The following MYO3A variants were observed in gnomAD, a reference collection of about 807,000 sequenced individuals.
MYO3A encodes the protein myosin IIIA.
Under a neutral mutation model 192.7 loss-of-function variants are expected in MYO3A, and 180 were observed. The observed-to-expected ratio is 0.93, with a 90% CI of 0.83 to 1.06. The LOEUF (loss-of-function observed/expected upper bound fraction) is 1.06, where lower values mean the gene tolerates loss of function less well. MYO3A is among the 50% of genes least tolerant of loss of function. The pLI is 0.00. For missense variants in MYO3A, 1,896 were observed against 1,905.0 expected (o/e 1.00, Z 0.09); for synonymous variants, 628 against 645.3 (o/e 0.97, Z 0.41).
intron 6 of MYO3A, among the ~76,000 whole-genome samples, chr10:26,014,269 T>G (rs1369020330): frequency 1.3e-5 from 2 of 152,040 alleles, no homozygotes; most frequent in African/African-American, 4.8e-5. Context: ...CATCAAAAGT[T>G]ATTGAAATAA....
chr10:26,178,019 A>G (rs1264775876), intron 31 of MYO3A, among the ~76,000 whole-genome samples: 1 of 152,238 alleles, frequency 6.6e-6, no homozygotes, highest in East Asian at 1.9e-4. Context: ...GCCCTGGCTG[A>G]GAGCCTCCTG....
At chr10:26,197,170 A>G (rs1250860523) in intron 32 of MYO3A, among the ~76,000 whole-genome samples, 4 of 152,200 alleles carry the variant, frequency 2.6e-5, no homozygotes, top group African/African-American at 9.7e-5. Context: ...TCAGTCTCAA[A>G]TCCATCTCCC....
chr10:25,950,460 G>A (rs1195906823), intron 2 of MYO3A, among the ~76,000 whole-genome samples: 1 of 152,188 alleles, frequency 6.6e-6, no homozygotes, highest in Non-Finnish European at 1.5e-5. Context: ...AACAACAGAA[G>A]TGCAGTAGGG....
intron 7 of MYO3A, among the ~76,000 whole-genome samples, chr10:26,018,735 T>C (rs948843379): frequency 6.6e-6 from 1 of 152,178 alleles, no homozygotes; most frequent in African/African-American, 2.4e-5. Context: ...ATTATGATTC[T>C]AGGACTACAA....
At chr10:26,073,014 G>A (rs1407287211) in intron 14 of MYO3A, among the ~76,000 whole-genome samples, 1 of 152,170 alleles carries the variant, frequency 6.6e-6, no homozygotes, top group Non-Finnish European at 1.5e-5. Context: ...TAAACATTGA[G>A]TCCAGGAGTT....
intron 7 of MYO3A, among the ~76,000 whole-genome samples, chr10:26,018,685 C>T (rs1253354958): frequency 2.0e-5 from 3 of 152,102 alleles, no homozygotes; most frequent in African/African-American, 7.2e-5. Flanking sequence ...ACTTATCATA[C>T]AAACCAGGAC....
chr10:26,060,376 G>C (rs12778990), intron 10 of MYO3A, among the ~76,000 whole-genome samples: 71,113 of 150,776 alleles, frequency 0.47, 17,692 homozygotes, highest in Middle Eastern at 0.59. Context: ...GCTGAGGCAG[G>C]AGAATCGCTT....
chr10:26,185,737 C>A (rs753196164), intron 31 of MYO3A, among the ~76,000 whole-genome samples: 1 of 152,078 alleles, frequency 6.6e-6, no homozygotes, highest in Non-Finnish European at 1.5e-5. Flanking sequence ...ACATTACTCA[C>A]CCCCAACCAA....
At chr10:25,999,859 GT>G (rs1012453015) in intron 6 of MYO3A, among the ~76,000 whole-genome samples, 26 of 152,268 alleles carry the variant, frequency 1.7e-4, no homozygotes, top group African/African-American at 6.3e-4. Flanking sequence ...GTCTTCCCTT[GT>G]TTTCACCTCC....
intron 6 of MYO3A, among the ~76,000 whole-genome samples, chr10:26,007,384 C>A (rs746585744): frequency 2.7e-5 from 4 of 148,804 alleles, no homozygotes; most frequent in Non-Finnish European, 5.9e-5. Context: ...CTGGCCAGGG[C>A]AATCAGGGAG....
intron 31 of MYO3A, among the ~76,000 whole-genome samples, chr10:26,178,758 G>C (rs1415399159): frequency 6.6e-6 from 1 of 151,256 alleles, no homozygotes; most frequent in Non-Finnish European, 1.5e-5. Flanking sequence ...CTTTAATACA[G>C]CTAATAACTC....
intron 32 of MYO3A, among the ~76,000 whole-genome samples, chr10:26,199,767 G>A (rs1270123211): frequency 1.3e-5 from 2 of 152,034 alleles, no homozygotes; most frequent in East Asian, 3.9e-4. Flanking sequence ...TTGATTCTTG[G>A]TTATATAAAG....
At chr10:26,006,763 C>T (rs1410314930) in intron 6 of MYO3A, among the ~76,000 whole-genome samples, 3,678 of 151,120 alleles carry the variant, frequency 0.024, 158 homozygotes, top group African/African-American at 0.084. Flanking sequence ...AAAAAGAGTC[C>T]AGGACCAGAT....
At chr10:26,078,505 C>G (rs1835735458) in intron 14 of MYO3A, among the ~76,000 whole-genome samples, 1 of 151,700 alleles carries the variant, frequency 6.6e-6, no homozygotes, top group East Asian at 1.9e-4. Flanking sequence ...GTTTCAATTT[C>G]ATTTAGTTCT....
At chr10:26,153,733 A>G in intron 23 of MYO3A, 117 bp from the exon 24 acceptor site, 1 of 681,718 alleles carries the variant, frequency 1.5e-6, no homozygotes, top group East Asian at 2.8e-5. Context: ...AACCAAGCAT[A>G]TGATTATGAA....
Position 26,120,770 on chromosome 10 carries a change from G to T in MYO3A, c.1871G>T (p.Ser624Ile). 6.2e-7 allele frequency: 1 copy of T among 1,614,022 alleles called. No individual in the cohort carries two copies. The highest frequency in any genetic ancestry group is 8.5e-7 in the Non-Finnish European group (1 of 1,179,986). The part of the protein sequence containing the change: ...SVATEHQIDK[S>I]HISNHTALEN... Reference sequence around the variant, plus strand: ...GCAACTGAACACCAGATTGACAAGAGCCACATTTCTAATCATACAGCCCTG... The same window carrying T: ...GCAACTGAACACCAGATTGACAAGATCCACATTTCTAATCATACAGCCCTG... Residue 624 changes from serine (S) to isoleucine (I), a missense_variant, in exon 18 of 35, where the codon AGC becomes ATC. Coordinates refer to ENST00000642920, the MANE Select transcript of MYO3A (RefSeq NM_017433.5).
rs34045169 is a variant in MYO3A at position 25,946,877 on chromosome 10, C to CAA, written c.-17-5188_-17-5187dup. Among the ~76,000 whole-genome samples the CAA allele has an allele frequency of 4.8e-3, 239 of 50,160 alleles. 12 individuals are homozygous for CAA. Among genetic ancestry groups the CAA allele is most frequent in the African/African-American group, 0.02 (205 of 10,152 alleles). The allele number at this position is 50,160 out of a possible 152,430, so 32.9% of individuals were successfully genotyped here. On this transcript the variant is annotated intron_variant, in intron 2 of 34. Coordinates refer to ENST00000642920, the MANE Select transcript of MYO3A (RefSeq NM_017433.5). ...TGGGTGACAGAGTGAGACTCCGTCT[C>CAA]AAAAAAAAAAAAAAAAAAAAAAAAA...
At chr10:25,967,302 G>A (rs994601291) in intron 4 of MYO3A, among the ~76,000 whole-genome samples, 1 of 152,184 alleles carries the variant, frequency 6.6e-6, no homozygotes, top group Non-Finnish European at 1.5e-5. Flanking sequence ...AGTTTGTGCA[G>A]GATTGAGAGA....
chr10:25,961,251 CTT>C (rs989782787), intron 4 of MYO3A, among the ~76,000 whole-genome samples: 1 of 152,072 alleles, frequency 6.6e-6, no homozygotes. Flanking sequence ...AGGTGTAAAT[CTT>C]TTCCCAGGGC....
Sources: gnomAD v4.1 joint callset for allele counts (sites outside exome capture counted in the v4.1 genomes callset) on GRCh38, gnomAD v4.1.1 for gene constraint, MANE v1.5 for transcripts, NCBI Gene and HGNC (gene_info 2026-07-23, HGNC 2026-07-21) for gene names.